Variants in ETAA1 observed in about 807,000 individuals in gnomAD.
ETAA1 encodes the protein ewing's tumor-associated antigen 1.
ETAA1 carries 49 observed loss-of-function variants against 76.8 expected under a neutral mutation model. That is an observed-to-expected ratio of 0.64 (90% confidence interval 0.51 to 0.81). The LOEUF is 0.81. ETAA1 is among the 30% of genes least tolerant of loss of function. The pLI is 0.00. For synonymous variants in ETAA1, 373 were observed against 372.2 expected (o/e 1.00, Z -0.03); for missense variants, 1,099 against 1,074.0 (o/e 1.02, Z -0.32).
rs1165690148 is a variant in ETAA1 at position 67,410,098 on chromosome 2, A to C, written c.*60A>C. 1.2e-5 allele frequency: 18 copies of C among 1,512,604 alleles called. No homozygotes were observed. The highest frequency in any genetic ancestry group is 1.5e-5 in the Non-Finnish European group (17 of 1,124,772). The allele number at this position is 1,512,604 out of a possible 1,614,324, so 93.7% of individuals were successfully genotyped here. ...TGATAACTATCTGTGATTGATAGGA[A>C]ATTTTTTTTCTTGATTTCTCTGTGA... is the stretch of plus-strand genomic sequence containing the variant. On this transcript the variant is annotated 3_prime_UTR_variant, in exon 6 of 6. Transcript: ENST00000272342.
At position 67,397,560 on chromosome 2, in the gene ETAA1, A is replaced by C; in HGVS notation, c.112A>C (p.Arg38=). ...SVVEPGRRRL[R]SARGSWPCGA... Reference sequence around the variant, plus strand: ...GGTCGAGCCAGGGAGGAGGCGGCTGAGATCGGCCCGCGGTTCGTGGCCCTG... The same window carrying C: ...GGTCGAGCCAGGGAGGAGGCGGCTGCGATCGGCCCGCGGTTCGTGGCCCTG... Residue 38 remains arginine, a synonymous_variant, in exon 1 of 6, where the codon AGA becomes CGA. Coordinates refer to ENST00000272342, the MANE Select transcript of ETAA1 (RefSeq NM_019002.4). 1 of 1,570,958 alleles carries C rather than the reference A, an allele frequency of 6.4e-7. No homozygotes were observed. Among genetic ancestry groups the C allele is most frequent in the Non-Finnish European group, 8.6e-7 (1 of 1,158,390 alleles).
chr2:67,404,586 G>A lies in ETAA1; in HGVS notation c.1904G>A (p.Ser635Asn), dbSNP rs781716742. 2.5e-6 allele frequency: 4 copies of A among 1,613,126 alleles called. No individual in the cohort carries two copies. The highest frequency in any genetic ancestry group is 3.3e-5 in the Admixed American group (2 of 59,942). Residue 635 changes from serine to asparagine, a missense_variant, in exon 5 of 6, where the codon AGT becomes AAT. Ser to Asn is a conservative substitution (Grantham distance 46, BLOSUM62 1). Coordinates refer to ENST00000272342, the MANE Select transcript of ETAA1 (RefSeq NM_019002.4). ...AGAAAGGACAGTAAGACATCAGAAA[G>A]TATATGTGAGATCAATAATAATTCC... ...DIRKDSKTSESICEINNNSEH... is the reference protein window; with the variant it reads ...DIRKDSKTSENICEINNNSEH...
At position 67,404,434 on chromosome 2, in the gene ETAA1, A is replaced by G; in HGVS notation, c.1752A>G (p.Ser584=). 2 of 1,613,302 alleles carry G rather than the reference A, an allele frequency of 1.2e-6. No individual in the cohort carries two copies. Among genetic ancestry groups the G allele is most frequent in the South Asian group, 2.2e-5 (2 of 91,062 alleles). ...TCTTTGATGATTGGAATGATCCCTC[A>G]TTTGCCAATGAAATTATTAAAGCAT... ...GSFFDDWNDP[S]FANEIIKACH... The change falls in exon 5 of 6, where the codon TCA becomes TCG. Residue 584 remains serine (S), a synonymous_variant. Transcript: ENST00000272342.
rs1275078434 is a variant in ETAA1 at position 67,410,731 on chromosome 2, A to G, written c.*693A>G. On this transcript the variant is annotated 3_prime_UTR_variant, in exon 6 of 6. Coordinates refer to ENST00000272342, the MANE Select transcript of ETAA1 (RefSeq NM_019002.4). ...CATTTAGAACTGGCAGAAACTTCAT[A>G]TGTCATCTGGTCCAGCTTCCTTATT... 6.6e-6 allele frequency: 1 copy of G among 152,076 alleles called. No individual in the cohort carries two copies. The highest frequency in any genetic ancestry group is 2.1e-4 in the South Asian group (1 of 4,834). The allele number at this position is 152,076 out of a possible 1,614,324, so 9.4% of individuals were successfully genotyped here.
Position 67,397,661 on chromosome 2 carries a change from T to C in ETAA1, c.213T>C (p.Ser71=). ...CGACCGCCGCCCTGTGCAGTAAAAGTAACCCCGAGGGTGAGACGTCGGCAG... is the reference window on the plus strand; with the variant it reads ...CGACCGCCGCCCTGTGCAGTAAAAGCAACCCCGAGGGTGAGACGTCGGCAG... ...QPPTAALCSK[S]NPEERYETPK... Residue 71 remains serine, a synonymous_variant, in exon 1 of 6, where the codon AGT becomes AGC. Transcript: ENST00000272342. 1 of 1,546,218 alleles carries C rather than the reference T, an allele frequency of 6.5e-7. No homozygotes were observed.
At position 67,411,959 on chromosome 2, in the gene ETAA1, C is replaced by G. The variant is rs1676382659; in HGVS notation, c.*1921C>G. On this transcript the variant is annotated 3_prime_UTR_variant, in exon 6 of 6. Coordinates refer to ENST00000272342, the MANE Select transcript of ETAA1 (RefSeq NM_019002.4). ...CCTATTCTGTTCATTCATTTAGACT[C>G]AGCCTAATAAGTCTGTTTGAACCTC... 6.6e-6 allele frequency: 1 copy of G among 151,924 alleles called. No individual in the cohort carries two copies. Among genetic ancestry groups the G allele is most frequent in the South Asian group, 2.1e-4 (1 of 4,824 alleles). 9.4% of individuals were successfully genotyped at this position (151,924 alleles called of 1,614,324 possible).
In ETAA1 at chr2:67,404,738, G is replaced by C. The variant is rs138147842; in HGVS notation, c.2056G>C (p.Gly686Arg). Residue 686 changes from glycine (G) to arginine (R), a missense_variant, in exon 5 of 6, where the codon GGA becomes CGA. By Grantham distance (125) the Gly-to-Arg change is moderately radical. Coordinates refer to ENST00000272342, the MANE Select transcript of ETAA1 (RefSeq NM_019002.4). Reference sequence around the variant, plus strand: ...AAACATGTTTGCTATATCTAAACAAGGAAGTAATTTGGTACAATCAAAGCA... The same window carrying C: ...AAACATGTTTGCTATATCTAAACAACGAAGTAATTTGGTACAATCAAAGCA... ...AKNMFAISKQ[G>R]SNLVQSKHLN... 4 of 1,613,176 alleles carry C rather than the reference G, an allele frequency of 2.5e-6. No homozygotes were observed.
chr2:67,410,767 GA>G lies in ETAA1; in HGVS notation c.*734del, dbSNP rs1442343734. ...TCCAGCTTCCTTATTGTATCGGTGA[GA>G]AAAAGTAATACTGTTTTCAAAGTCA... On this transcript the variant is annotated 3_prime_UTR_variant, in exon 6 of 6. Transcript: ENST00000272342. 2 of 152,018 alleles carry G rather than the reference GA, an allele frequency of 1.3e-5. No individual in the cohort carries two copies. The highest frequency in any genetic ancestry group is 2.9e-5 in the Non-Finnish European group (2 of 67,946). The allele number at this position is 152,018 out of a possible 1,614,324, so 9.4% of individuals were successfully genotyped here.
rs1046940619 is a variant in ETAA1 at position 67,409,850 on chromosome 2, G to A, written c.2654-61G>A. 1.3e-5 allele frequency: 20 copies of A among 1,494,558 alleles called. No homozygotes were observed. In the African/African-American group the frequency reaches 2.1e-4, roughly 16 times the overall value. The allele number at this position is 1,494,558 out of a possible 1,614,324, so 92.6% of individuals were successfully genotyped here. ...GTGATTAAAAAAAGCAAAAATTAAA[G>A]CACATATTGAATGACTTTATAGGCT... On this transcript the variant is annotated intron_variant, in intron 5 of 5. Coordinates refer to ENST00000272342, the MANE Select transcript of ETAA1 (RefSeq NM_019002.4).
In ETAA1 at chr2:67,402,924, T is replaced by C. The variant is rs199501251; in HGVS notation, c.492T>C (p.Cys164=). The change falls in exon 4 of 6, where the codon TGT becomes TGC. Residue 164 remains cysteine, a synonymous_variant. Transcript: ENST00000272342. ...DMWIGETAIP[C]TPSVAKGKSR... ...GGATTGGTGAAACTGCTATTCCTTG[T>C]ACTCCCAGTGTAGCAAAAGGAAAAT... is the stretch of plus-strand genomic sequence containing the variant. The C allele has an allele frequency of 3.1e-6, 5 of 1,607,886 alleles. No homozygotes were observed. In the East Asian group the frequency reaches 1.1e-4, roughly 36 times the overall value.
chr2:67,409,563 C>T (rs1470688679), intron 5 of ETAA1, among the ~76,000 whole-genome samples: 4 of 151,766 alleles, frequency 2.6e-5, no homozygotes, highest in African/African-American at 9.7e-5. Context: ...CATTTTAAAT[C>T]CCAATGTATC....
At position 67,403,213 on chromosome 2, in the gene ETAA1, C is replaced by T. The variant is rs1558580375; in HGVS notation, c.543-12C>T. On this transcript the variant is annotated splice_polypyrimidine_tract_variant and intron_variant, in intron 4 of 5. Transcript: ENST00000272342. ...AGAACATTTTTAGTTATTTTTTAAT[C>T]TTGTTTAATAGGTTAAAAACACAAA... is the stretch of plus-strand genomic sequence containing the variant. The T allele has an allele frequency of 6.8e-7, 1 of 1,480,236 alleles. No individual in the cohort carries two copies. Among genetic ancestry groups the T allele is most frequent in the Non-Finnish European group, 9.1e-7 (1 of 1,101,628 alleles). 91.7% of individuals were successfully genotyped at this position (1,480,236 alleles called of 1,614,324 possible). A position where few individuals can be genotyped will look rare whatever the true frequency, so the allele number is the denominator to read the frequency against.
chr2:67,399,324 T>A, intron 2 of ETAA1, 27 bp downstream of exon 2: 1 of 1,569,032 alleles, frequency 6.4e-7, no homozygotes, highest in South Asian at 1.2e-5. Context: ...ATTTTTTATG[T>A]GAGTAAATAT....
rs1189840262 is a variant in ETAA1 at position 67,399,612 on chromosome 2, C to T, written c.415C>T (p.Arg139Cys). Residue 139 changes from arginine (R) to cysteine (C), a missense_variant, in exon 3 of 6, where the codon CGT (arginine) becomes TGT (cysteine). Physicochemically the swap from Arg to Cys is radical, Grantham distance 180. Coordinates refer to ENST00000272342, the MANE Select transcript of ETAA1 (RefSeq NM_019002.4). ...DSDEISHIVNRIAPQDEKPTT... is the reference protein window; with the variant it reads ...DSDEISHIVNCIAPQDEKPTT... Reference sequence around the variant, plus strand: ...TGATGAGATTTCACATATTGTTAATCGTATTGCTCCTCAGGTAAATATCAC... The same window carrying T: ...TGATGAGATTTCACATATTGTTAATTGTATTGCTCCTCAGGTAAATATCAC... The T allele has an allele frequency of 1.9e-6, 3 of 1,605,092 alleles. No individual in the cohort carries two copies. Among genetic ancestry groups the T allele is most frequent in the Admixed American group, 1.7e-5 (1 of 59,448 alleles).
In ETAA1 at chr2:67,405,290, CAA is replaced by C; in HGVS notation, c.2609_2610del (p.Gln870LeufsTer7). 2 of 1,563,802 alleles carry C rather than the reference CAA, an allele frequency of 1.3e-6. No homozygotes were observed. Among genetic ancestry groups the C allele is most frequent in the Non-Finnish European group, 1.7e-6 (2 of 1,158,574 alleles). On this transcript the variant is annotated frameshift_variant, in exon 5 of 6. Transcript: ENST00000272342. LOFTEE classifies it high-confidence loss of function. ...NPLLEEAVGQ[Q>X]SLVKLSESLK... is the part of the protein sequence containing the mutation. ...ATTACTGGAGGAAGCTGTTGGACAG[CAA>C]TCTTTGGTGAAACTTTCTGAATCTT...
At position 67,399,632 on chromosome 2, in the gene ETAA1, T is replaced by TA. The variant is rs759452774; in HGVS notation, c.429+7dup. On this transcript the variant is annotated splice_region_variant and intron_variant, in intron 3 of 5. Transcript: ENST00000272342. Reference sequence around the variant, plus strand: ...TTAATCGTATTGCTCCTCAGGTAAATATCACTAGTTTTACAGTTTGTTTTA... The same window carrying TA: ...TTAATCGTATTGCTCCTCAGGTAAATAATCACTAGTTTTACAGTTTGTTTTA... The TA allele has an allele frequency of 3.5e-5, 55 of 1,576,362 alleles. No homozygotes were observed. The highest frequency in any genetic ancestry group is 4.4e-5 in the Non-Finnish European group (51 of 1,150,698).
chr2:67,408,714 G>A (rs1007187851), intron 5 of ETAA1, among the ~76,000 whole-genome samples: 8 of 152,144 alleles, frequency 5.3e-5, no homozygotes, highest in Non-Finnish European at 1.2e-4. Context: ...GGTGTGACCT[G>A]ATTATCATTT....
At position 67,397,630 on chromosome 2, in the gene ETAA1, A is replaced by G. The variant is rs543961574; in HGVS notation, c.182A>G (p.Gln61Arg). The G allele has an allele frequency of 5.2e-6, 8 of 1,547,718 alleles. No individual in the cohort carries two copies. The African/African-American group carries it at 1.1e-4, about 21-fold the overall frequency. ...GPPGPVRQRE[Q>R]PPTAALCSKS... Reference sequence around the variant, plus strand: ...CCCGGGCCAGTGCGGCAGCGAGAGCAGCCTCCGACCGCCGCCCTGTGCAGT... The same window carrying G: ...CCCGGGCCAGTGCGGCAGCGAGAGCGGCCTCCGACCGCCGCCCTGTGCAGT... The change falls in exon 1 of 6, where the codon CAG (glutamine) becomes CGG (arginine). Residue 61 changes from glutamine to arginine, a missense_variant. Gln to Arg is a conservative substitution (Grantham distance 43, BLOSUM62 1). Transcript: ENST00000272342.
At position 67,405,200 on chromosome 2, in the gene ETAA1, A is replaced by G. The variant is rs1157603715; in HGVS notation, c.2518A>G (p.Ile840Val). Residue 840 changes from isoleucine (I) to valine (V), a missense_variant, in exon 5 of 6, where the codon ATA becomes GTA. Ile to Val is a conservative substitution (Grantham distance 29). This residue lies in a region of ETAA1 where 302 missense variants were observed against 278.1 expected (regional missense o/e 1.09). Transcript: ENST00000272342. ...QILSQFNQNCITGSMSDTKIT... is the reference protein window; with the variant it reads ...QILSQFNQNCVTGSMSDTKIT... ...TCTTTCTCAGTTTAATCAAAATTGT[A>G]TAACTGGAAGTATGTCTGATACCAA... 6.8e-6 allele frequency: 11 copies of G among 1,612,606 alleles called. No homozygotes were observed. Among genetic ancestry groups the G allele is most frequent in the African/African-American group, 2.7e-5 (2 of 74,874 alleles).
Sources: gnomAD v4.1 joint callset for allele counts (sites outside exome capture counted in the v4.1 genomes callset) on GRCh38, gnomAD v4.1.1 for gene constraint, gnomAD v4.1.1 regional missense constraint, MANE v1.5 for transcripts, NCBI Gene and HGNC (gene_info 2026-07-23, HGNC 2026-07-21) for gene names.